Variants in TNIK observed in about 807,000 individuals in gnomAD.
TNIK encodes the protein TRAF2 and NCK-interacting protein kinase.
TNIK carries 49 observed loss-of-function variants against 191.3 expected under a neutral mutation model. That is an observed-to-expected ratio of 0.26 (90% CI 0.20 to 0.32). TNIK has a LOEUF of 0.32. TNIK is among the 10% of genes least tolerant of loss of function. The pLI, the probability that TNIK is intolerant of heterozygous loss-of-function variation, is 1.00. For missense variants in TNIK, 1,155 were observed against 1,702.3 expected, an observed-to-expected ratio of 0.68 and a Z score of 5.66; for synonymous variants, 594 against 600.9, an observed-to-expected ratio of 0.99 and a Z score of 0.17.
chr3:171,128,597 T>C, intron 16 of TNIK, 117 bp downstream of exon 16: 1 of 1,279,286 alleles, frequency 7.8e-7, no homozygotes, highest in Non-Finnish European at 1.0e-6. Flanking sequence ...AAATTCTATA[T>C]TAAGGGTCAT....
chr3:171,079,730 T>C, intron 27 of TNIK, 78 bp from the exon 28 acceptor site: 1 of 1,459,964 alleles, frequency 6.8e-7, no homozygotes. Flanking sequence ...CATTTATTTC[T>C]AATTTATTTT....
chr3:171,351,316 GTA>G (rs796109626), intron 2 of TNIK, among the ~76,000 whole-genome samples: 3 of 114,936 alleles, frequency 2.6e-5, no homozygotes, highest in African/African-American at 5.4e-5. Context: ...TAGGAGGTGT[GTA>G]TATGTGTGTC....
chr3:171,275,766 G>A (rs983022319), intron 2 of TNIK, among the ~76,000 whole-genome samples: 1 of 151,912 alleles, frequency 6.6e-6, no homozygotes, highest in South Asian at 2.1e-4. Context: ...GCGTGGTGGT[G>A]GGTGCCTGTA....
chr3:171,157,354 C>G (rs1229126387), intron 12 of TNIK, 106 bp downstream of exon 12: 1 of 1,392,802 alleles, frequency 7.2e-7, no homozygotes, highest in Non-Finnish European at 9.7e-7. Flanking sequence ...CTTTGTGCCT[C>G]TAAGCTCTGT....
At position 171,058,982 on chromosome 3, in the gene TNIK, G is replaced by GA. The variant is rs1388836037; in HGVS notation, c.*4898dup. On this transcript the variant is annotated 3_prime_UTR_variant, in exon 33 of 33. Coordinates refer to ENST00000436636, the MANE Select transcript of TNIK (RefSeq NM_015028.4). ...CTATTCCTTAACATTTATCCCAGGG[G>GA]AAGAGATAAGGGAAAGGGGTAGCTG... Among the ~76,000 whole-genome samples the GA allele has an allele frequency of 6.6e-6, 1 of 152,134 alleles. No homozygotes were observed. Among genetic ancestry groups the GA allele is most frequent in the African/African-American group, 2.4e-5 (1 of 41,430 alleles).
At chr3:171,251,370 T>C (rs1746202972) in intron 2 of TNIK, among the ~76,000 whole-genome samples, 1 of 152,206 alleles carries the variant, frequency 6.6e-6, no homozygotes, top group South Asian at 2.1e-4. Flanking sequence ...CCTGAGATGA[T>C]GTCTACATGT....
chr3:171,269,000 T>G (rs914546499), intron 2 of TNIK, among the ~76,000 whole-genome samples: 13 of 152,220 alleles, frequency 8.5e-5, no homozygotes, highest in South Asian at 2.1e-4. Context: ...TGCAGAGTAA[T>G]TCAATTCTCA....
chr3:171,314,346 G>A (rs989957218), intron 2 of TNIK, among the ~76,000 whole-genome samples: 1 of 152,146 alleles, frequency 6.6e-6, no homozygotes, highest in Non-Finnish European at 1.5e-5. Context: ...GCACCTCTGA[G>A]CAGTGGTCTC....
At chr3:171,440,862 CAG>C (rs1726712993) in intron 1 of TNIK, among the ~76,000 whole-genome samples, 1 of 152,090 alleles carries the variant, frequency 6.6e-6, no homozygotes, top group Non-Finnish European at 1.5e-5. Context: ...ATTAAGAAAA[CAG>C]AAAGAGTTAG....
intron 12 of TNIK, among the ~76,000 whole-genome samples, chr3:171,145,053 T>C (rs1731346821): frequency 6.6e-6 from 1 of 151,850 alleles, no homozygotes; most frequent in Admixed American, 6.6e-5. Flanking sequence ...TTGTGAATAG[T>C]GCTGCAATAA....
chr3:171,324,890 A>C (rs1755568556), intron 2 of TNIK, among the ~76,000 whole-genome samples: 1 of 152,052 alleles, frequency 6.6e-6, no homozygotes, highest in Non-Finnish European at 1.5e-5. Flanking sequence ...CGAGGTCAGG[A>C]GATCGAGACC....
chr3:171,336,180 TA>T (rs1577524901), intron 2 of TNIK, among the ~76,000 whole-genome samples: 1 of 152,300 alleles, frequency 6.6e-6, no homozygotes, highest in East Asian at 1.9e-4. Flanking sequence ...TTGTCAAAAC[TA>T]ACAAAATGGG....
intron 2 of TNIK, among the ~76,000 whole-genome samples, chr3:171,324,190 G>C (rs145360007): frequency 2.6e-5 from 4 of 152,184 alleles, no homozygotes; most frequent in Admixed American, 2.6e-4. Flanking sequence ...GCAATATTCT[G>C]CAATCCAGGA....
intron 2 of TNIK, among the ~76,000 whole-genome samples, chr3:171,259,654 C>T (rs747818475): frequency 4.6e-5 from 7 of 152,106 alleles, no homozygotes; most frequent in South Asian, 4.1e-4. Flanking sequence ...TCATGGCCAA[C>T]GGTAAAGAAT....
At chr3:171,085,603 G>A (rs1721247092) in intron 24 of TNIK, among the ~76,000 whole-genome samples, 1 of 152,056 alleles carries the variant, frequency 6.6e-6, no homozygotes, top group South Asian at 2.1e-4. Context: ...GACATAATTG[G>A]CAATAAACTA....
intron 12 of TNIK, among the ~76,000 whole-genome samples, chr3:171,145,779 CTTTT>C (rs397875512): frequency 2.2e-5 from 3 of 133,388 alleles, no homozygotes; most frequent in African/African-American, 5.4e-5. Flanking sequence ...TCAGTCTTTC[CTTTT>C]TTTTTTTTTT....
intron 9 of TNIK, among the ~76,000 whole-genome samples, chr3:171,168,379 G>A (rs1022385532): frequency 2.0e-5 from 3 of 152,242 alleles, no homozygotes; most frequent in African/African-American, 7.2e-5. Context: ...GTGGATCCCA[G>A]GACTGAGCCT....
intron 2 of TNIK, among the ~76,000 whole-genome samples, chr3:171,356,325 T>C (rs1714062206): frequency 6.6e-6 from 1 of 152,162 alleles, no homozygotes; most frequent in Non-Finnish European, 1.5e-5. Context: ...AAAATGTAAG[T>C]AGCCCAAGGT....
At chr3:171,367,492 C>T (rs752732668) in intron 2 of TNIK, among the ~76,000 whole-genome samples, 4 of 150,116 alleles carry the variant, frequency 2.7e-5, no homozygotes, top group African/African-American at 9.8e-5. Context: ...GGGGAGGGGA[C>T]AGAGTCCCAC....
Sources: gnomAD v4.1 joint callset for allele counts (sites outside exome capture counted in the v4.1 genomes callset) on GRCh38, gnomAD v4.1.1 for gene constraint, MANE v1.5 for transcripts, NCBI Gene and HGNC (gene_info 2026-07-23, HGNC 2026-07-21) for gene names.